Variants in OSBPL6 observed in about 807,000 individuals in gnomAD.
OSBPL6 encodes oxysterol binding protein like 6, also known as oxysterol-binding protein-related protein 6.
Under a neutral mutation model 125.8 loss-of-function variants are expected in OSBPL6, and 49 were observed. The observed-to-expected ratio is 0.39, with a 90% confidence interval of 0.31 to 0.49. The LOEUF (loss-of-function observed/expected upper bound fraction) is 0.49. Ranked by LOEUF, OSBPL6 falls within the 20% of genes least tolerant of loss-of-function variation. The probability of loss-of-function intolerance (pLI) is 0.88; values close to 1 mark genes in which losing one functional copy is unlikely to be tolerated. For synonymous variants in OSBPL6, 394 were observed against 391.8 expected, an observed-to-expected ratio of 1.01 and a Z score of -0.07; for missense variants, 986 against 1,135.4, an observed-to-expected ratio of 0.87 and a Z score of 1.89.
chr2:178,382,777 A>T (rs1164672037), intron 16 of OSBPL6: 8 of 1,423,438 alleles, frequency 5.6e-6, no homozygotes, highest in Non-Finnish European at 7.3e-6. Context: ...TAATTTTTTA[A>T]AACTTAGCCT....
intron 1 of OSBPL6, among the ~76,000 whole-genome samples, chr2:178,198,743 A>G (rs1316403586): frequency 6.6e-6 from 1 of 152,188 alleles, no homozygotes; most frequent in Non-Finnish European, 1.5e-5. Flanking sequence ...TAATATGGAC[A>G]TACTATTAGG....
chr2:178,298,694 G>GTTT (rs757606940), intron 2 of OSBPL6, among the ~76,000 whole-genome samples: 8 of 139,434 alleles, frequency 5.7e-5, no homozygotes, highest in African/African-American at 1.8e-4. Flanking sequence ...ATTTTTAGTT[G>GTTT]CTTTTTTTTT....
At chr2:178,299,998 C>T (rs56876949) in intron 2 of OSBPL6, among the ~76,000 whole-genome samples, 2,585 of 152,166 alleles carry the variant, frequency 0.017, 78 homozygotes, top group African/African-American at 0.059. Context: ...TAAATAGTTA[C>T]GCAAATATTT....
At chr2:178,238,370 G>A (rs1308301869) in intron 1 of OSBPL6, among the ~76,000 whole-genome samples, 1 of 152,148 alleles carries the variant, frequency 6.6e-6, no homozygotes, top group Admixed American at 6.6e-5. Flanking sequence ...TGATCAGATG[G>A]TCATGGTATC....
At chr2:178,296,106 C>T (rs1416173507) in intron 2 of OSBPL6, among the ~76,000 whole-genome samples, 1 of 152,094 alleles carries the variant, frequency 6.6e-6, no homozygotes, top group East Asian at 1.9e-4. Context: ...ATTGGCAACT[C>T]GGCATACCTG....
chr2:178,236,295 C>T, intron 1 of OSBPL6, among the ~76,000 whole-genome samples: 1 of 152,124 alleles, frequency 6.6e-6, no homozygotes, highest in Non-Finnish European at 1.5e-5. Context: ...AATTAGAGTT[C>T]AGTAGCCAAG....
rs1452795375 is a variant in OSBPL6, at chr2:178,336,370, A to G, written c.727A>G (p.Thr243Ala). The G allele has an allele frequency of 6.2e-7, 1 of 1,614,008 alleles. No individual in the cohort carries two copies. The highest frequency in any genetic ancestry group is 8.5e-7 in the Non-Finnish European group (1 of 1,180,012). The change falls in exon 9 of 25, where the codon ACT (threonine) becomes GCT (alanine). Residue 243 changes from threonine (T) to alanine (A), a missense_variant. This residue lies in a region of OSBPL6 where 843 missense variants were observed against 997.3 expected (regional missense o/e 0.85). Transcript: ENST00000190611. ...CSNSLPATCT[T>A]GQSKVAAWLQ... ...CAATAGCCTCCCTGCAACGTGCACA[A>G]CTGGCCAGAGTAAAGTGGCAGCCTG...
intron 2 of OSBPL6, among the ~76,000 whole-genome samples, chr2:178,304,471 A>G (rs1686577488): frequency 6.6e-6 from 1 of 152,176 alleles, no homozygotes; most frequent in African/African-American, 2.4e-5. Flanking sequence ...GGATGAGGGT[A>G]ACCGCCCCCA....
In OSBPL6 at chr2:178,241,133, G is replaced by A. The variant is rs1015442940; in HGVS notation, c.-350-43794G>A. On this transcript the variant is annotated intron_variant, in intron 1 of 24. Coordinates refer to ENST00000190611, the MANE Select transcript of OSBPL6 (RefSeq NM_032523.4). ...CCACTCTGCATGTATTCATATTCAC[G>A]GTAGAAATTTATAGTTAAGGCAGTT... is the stretch of plus-strand genomic sequence containing the variant. 5.3e-5 allele frequency among the ~76,000 whole-genome samples: 8 copies of A among 151,490 alleles called. No individual in the cohort carries two copies. In the East Asian group the frequency reaches 7.7e-4, roughly 15 times the overall value.
chr2:178,304,462 G>A (rs1686576791), intron 2 of OSBPL6, among the ~76,000 whole-genome samples: 1 of 152,182 alleles, frequency 6.6e-6, no homozygotes, highest in Admixed American at 6.5e-5. Flanking sequence ...ATGAGGACAG[G>A]ATGAGGGTAA....
At chr2:178,274,092 A>G (rs1266768968) in intron 1 of OSBPL6, among the ~76,000 whole-genome samples, 1 of 152,148 alleles carries the variant, frequency 6.6e-6, no homozygotes, top group Non-Finnish European at 1.5e-5. Context: ...GCTTTTTTCT[A>G]TTCAAAGTAA....
intron 2 of OSBPL6, among the ~76,000 whole-genome samples, chr2:178,294,931 T>C (rs1685613245): frequency 6.6e-6 from 1 of 151,774 alleles, no homozygotes; most frequent in Non-Finnish European, 1.5e-5. Context: ...TTCGAGGTCT[T>C]TTTTTCTTTT....
intron 1 of OSBPL6, among the ~76,000 whole-genome samples, chr2:178,275,416 G>A (rs1450254791): frequency 1.3e-5 from 2 of 152,192 alleles, no homozygotes; most frequent in Non-Finnish European, 2.9e-5. Context: ...CAAGGCAGAG[G>A]CAGGAGAATC....
chr2:178,348,006 A>G (rs1487742268), intron 11 of OSBPL6, among the ~76,000 whole-genome samples: 1 of 152,200 alleles, frequency 6.6e-6, no homozygotes, highest in African/African-American at 2.4e-5. Context: ...GCTCTGTCTC[A>G]ACTGCCCTTA....
chr2:178,210,728 C>G (rs1031093442), intron 1 of OSBPL6, among the ~76,000 whole-genome samples: 2 of 151,940 alleles, frequency 1.3e-5, no homozygotes, highest in African/African-American at 4.8e-5. Context: ...AGTAAAATCA[C>G]TTGAACCCAG....
intron 1 of OSBPL6, among the ~76,000 whole-genome samples, chr2:178,266,070 G>A (rs1170622926): frequency 6.6e-6 from 1 of 152,182 alleles, no homozygotes; most frequent in Non-Finnish European, 1.5e-5. Context: ...TAAGGAAAGG[G>A]AAAGAAGTGT....
chr2:178,294,229 C>T (rs1403897689), intron 2 of OSBPL6, among the ~76,000 whole-genome samples: 2 of 152,060 alleles, frequency 1.3e-5, no homozygotes, highest in Admixed American at 1.3e-4. Context: ...AGAATAAATG[C>T]ACTGCATTGT....
chr2:178,386,920 C>A, intron 19 of OSBPL6, 141 bp from the exon 20 acceptor site: 1 of 452,528 alleles, frequency 2.2e-6, no homozygotes, highest in Non-Finnish European at 3.9e-6. Context: ...CATTTGCAGG[C>A]ACTTGTCATA....
At chr2:178,227,559 C>T (rs2090616044) in intron 1 of OSBPL6, among the ~76,000 whole-genome samples, 1 of 152,054 alleles carries the variant, frequency 6.6e-6, no homozygotes, top group African/African-American at 2.4e-5. Flanking sequence ...GGTCTACGGA[C>T]AAAAGAGTGG....
Sources: gnomAD v4.1 joint callset for allele counts (sites outside exome capture counted in the v4.1 genomes callset) on GRCh38, gnomAD v4.1.1 for gene constraint, gnomAD v4.1.1 regional missense constraint, MANE v1.5 for transcripts, NCBI Gene and HGNC (gene_info 2026-07-23, HGNC 2026-07-21) for gene names.